KCND3: variants seen among roughly 807,000 people sequenced by gnomAD.
KCND3 encodes the protein A-type voltage-gated potassium channel KCND3.
A neutral mutation model predicts 51.1 loss-of-function variants in KCND3; 9 were observed. The ratio of observed to expected loss-of-function variants is 0.18; its 90% CI spans 0.11 to 0.31. The LOEUF (loss-of-function observed/expected upper bound fraction) is 0.31. Ranked by LOEUF, KCND3 falls within the 10% of genes least tolerant of loss-of-function variation. The pLI, the probability that KCND3 is intolerant of heterozygous loss-of-function variation, is 1.00. For missense variants in KCND3, 526 were observed against 903.8 expected, an observed-to-expected ratio of 0.58 and a Z score of 5.36; for synonymous variants, 349 against 368.0, an observed-to-expected ratio of 0.95 and a Z score of 0.59.
At chr1:111,900,871 C>A (rs563386650) in intron 2 of KCND3, among the ~76,000 whole-genome samples, 1 of 152,140 alleles carries the variant, frequency 6.6e-6, no homozygotes, top group African/African-American at 2.4e-5. Flanking sequence ...GCAGGAGAAT[C>A]GCTTGAACCT....
chr1:111,809,691 G>C (rs986349717), intron 2 of KCND3, among the ~76,000 whole-genome samples: 13 of 152,020 alleles, frequency 8.6e-5, no homozygotes, highest in African/African-American at 3.1e-4. Context: ...GTGTGTGCAC[G>C]CCTGCAAATG....
intron 2 of KCND3, among the ~76,000 whole-genome samples, chr1:111,856,342 C>T (rs564948756): frequency 1.3e-5 from 2 of 152,368 alleles, no homozygotes; most frequent in Admixed American, 1.3e-4. Context: ...GGTCCCTGCT[C>T]TTCTCCCTAT....
intron 2 of KCND3, among the ~76,000 whole-genome samples, chr1:111,860,361 C>T (rs943839838): frequency 6.6e-6 from 1 of 152,216 alleles, no homozygotes; most frequent in Admixed American, 6.5e-5. Context: ...ATCTGTTTGA[C>T]TTGCTTCTAA....
intron 3 of KCND3, among the ~76,000 whole-genome samples, chr1:111,784,103 TCACACA>T (rs369429634): frequency 0.015 from 1,814 of 117,548 alleles, 9 homozygotes; most frequent in African/African-American, 0.02. Flanking sequence ...CATTAACTTA[TCACACA>T]CACACACACA....
At chr1:111,977,206 A>G (rs1329983707) in intron 2 of KCND3, among the ~76,000 whole-genome samples, 1 of 152,170 alleles carries the variant, frequency 6.6e-6, no homozygotes, top group Non-Finnish European at 1.5e-5. Context: ...GAGGCAGTAG[A>G]TAAAGGTGCA....
At chr1:111,919,498 A>G (rs954512787) in intron 2 of KCND3, among the ~76,000 whole-genome samples, 1 of 152,064 alleles carries the variant, frequency 6.6e-6, no homozygotes, top group African/African-American at 2.4e-5. Flanking sequence ...ACTGTAAAGA[A>G]GGCCAGAGGA....
At chr1:111,984,392 G>A (rs577902293) in intron 1 of KCND3, among the ~76,000 whole-genome samples, 23 of 152,182 alleles carry the variant, frequency 1.5e-4, no homozygotes, top group Non-Finnish European at 2.9e-4. Context: ...TCTTCATGAC[G>A]TCCCTAACTG....
At chr1:111,831,041 G>A (rs2101619543) in intron 2 of KCND3, among the ~76,000 whole-genome samples, 1 of 152,334 alleles carries the variant, frequency 6.6e-6, no homozygotes, top group Non-Finnish European at 1.5e-5. Flanking sequence ...AGAGAAGTTA[G>A]GGTGGATGCC....
chr1:111,868,098 T>C (rs761021499), intron 2 of KCND3, among the ~76,000 whole-genome samples: 24 of 152,344 alleles, frequency 1.6e-4, no homozygotes, highest in Non-Finnish European at 2.6e-4. Context: ...TCCCCACTTA[T>C]CTGCAGTTTC....
At chr1:111,980,203 A>AGAGTGTGTGT (rs559378807) in intron 2 of KCND3, among the ~76,000 whole-genome samples, 1 of 142,956 alleles carries the variant, frequency 7.0e-6, no homozygotes, top group African/African-American at 2.6e-5. Flanking sequence ...CCATTTGAAG[A>AGAGTGTGTGT]GTGTGTGTGT....
intron 2 of KCND3, among the ~76,000 whole-genome samples, chr1:111,905,630 C>T (rs923749839): frequency 6.6e-6 from 1 of 152,178 alleles, no homozygotes. Flanking sequence ...TGGTGTTGAT[C>T]AGTCTTCAGG....
intron 2 of KCND3, among the ~76,000 whole-genome samples, chr1:111,789,533 C>T (rs1664743978): frequency 6.6e-6 from 1 of 152,196 alleles, no homozygotes; most frequent in Non-Finnish European, 1.5e-5. Flanking sequence ...TTTGAGAAAT[C>T]ATGGTGCAGC....
At chr1:111,930,376 C>A (rs1322612433) in intron 2 of KCND3, among the ~76,000 whole-genome samples, 1 of 152,256 alleles carries the variant, frequency 6.6e-6, no homozygotes, top group Non-Finnish European at 1.5e-5. Context: ...GACACCAGAA[C>A]TGGCGTCTTC....
Position 111,776,218 on chromosome 1 carries a change from C to G in KCND3, c.1827G>C (p.Gln609His). The G allele has an allele frequency of 6.2e-7, 1 of 1,614,170 alleles. No homozygotes were observed. ...DGLRPNCKTS[Q>H]ITTAIISIPT... The stretch of plus-strand genomic sequence containing the variant: ...GGATGCTGATGATGGCTGTGGTGAT[C>G]TGGGATGTTTTGCAGTTTGGTCTCA... The change falls in exon 8 of 8, where the codon CAG (glutamine) becomes CAC (histidine). Residue 609 changes from glutamine to histidine, a missense_variant. Coordinates refer to ENST00000302127, the MANE Select transcript of KCND3 (RefSeq NM_001378969.1).
intron 2 of KCND3, among the ~76,000 whole-genome samples, chr1:111,905,350 A>G (rs1670595948): frequency 6.6e-6 from 1 of 152,212 alleles, no homozygotes; most frequent in South Asian, 2.1e-4. Context: ...CTGTACCAGC[A>G]CTCAGCTGAT....
intron 2 of KCND3, among the ~76,000 whole-genome samples, chr1:111,889,743 GAT>G: frequency 6.6e-6 from 1 of 152,214 alleles, no homozygotes; most frequent in East Asian, 1.9e-4. Flanking sequence ...TTTTACATAA[GAT>G]AACACAGACA....
intron 2 of KCND3, among the ~76,000 whole-genome samples, chr1:111,838,484 C>T (rs12142815): frequency 0.11 from 16,428 of 151,906 alleles, 1,426 homozygotes; most frequent in East Asian, 0.44. Flanking sequence ...AGTGAAACCC[C>T]GTCTCTACTA....
chr1:111,837,866 A>G, intron 2 of KCND3, among the ~76,000 whole-genome samples: 1 of 152,164 alleles, frequency 6.6e-6, no homozygotes, highest in Non-Finnish European at 1.5e-5. Context: ...AGTGTTGAAG[A>G]GTACTGGTCA....
chr1:111,811,024 C>T (rs1318352467), intron 2 of KCND3, among the ~76,000 whole-genome samples: 2 of 152,208 alleles, frequency 1.3e-5, no homozygotes, highest in African/African-American at 4.8e-5. Flanking sequence ...CACACACACC[C>T]GGCTGCTGTG....
Sources: allele counts gnomAD v4.1 joint callset (sites outside exome capture counted in the v4.1 genomes callset), GRCh38; gene constraint gnomAD v4.1.1; transcripts MANE v1.5; gene names NCBI Gene and HGNC (gene_info 2026-07-23, HGNC 2026-07-21).